Variants in SLCO1A2 observed in about 807,000 individuals in gnomAD.
The protein encoded by SLCO1A2 is OATP-1.
In SLCO1A2, 67 loss-of-function variants were observed where a neutral mutation model predicts 69.0. The ratio of observed to expected loss-of-function variants is 0.97; its 90% CI spans 0.80 to 1.19. The LOEUF is 1.19. Among genes scored for constraint, SLCO1A2 ranks in the 50% most tolerant of loss-of-function variants. SLCO1A2 has a pLI of 0.00. For synonymous variants in SLCO1A2, 260 were observed against 265.9 expected (o/e 0.98, Z 0.22); for missense variants, 787 against 793.7 (o/e 0.99, Z 0.10).
chr12:21,357,437 A>G (rs1457853303), intron 2 of SLCO1A2, among the ~76,000 whole-genome samples: 1 of 152,238 alleles, frequency 6.6e-6, no homozygotes, highest in Non-Finnish European at 1.5e-5. Context: ...AACCCTGCTG[A>G]CACCTAATCT....
intron 14 of SLCO1A2, chr12:21,274,216 T>G (rs895027754): frequency 3.3e-5 from 12 of 359,332 alleles, no homozygotes; most frequent in Non-Finnish European, 5.7e-5. Context: ...TGCTAAGAAT[T>G]TAACGAACAA....
intron 12 of SLCO1A2, among the ~76,000 whole-genome samples, chr12:21,289,924 A>G (rs886198631): frequency 6.6e-6 from 1 of 152,160 alleles, no homozygotes; most frequent in Admixed American, 6.5e-5. Flanking sequence ...TTGGTGTTGC[A>G]GAATTGAACA....
intron 4 of SLCO1A2, 24 bp from the exon 5 acceptor site, chr12:21,307,012 G>C: frequency 6.6e-7 from 1 of 1,524,206 alleles, no homozygotes; most frequent in Non-Finnish European, 9.1e-7. Flanking sequence ...GGGAAAATGA[G>C]TTTATTTTAA....
chr12:21,413,006 G>A (rs1941933078), intron 1 of SLCO1A2, among the ~76,000 whole-genome samples: 1 of 152,094 alleles, frequency 6.6e-6, no homozygotes, highest in Non-Finnish European at 1.5e-5. Flanking sequence ...TAGGGGACCT[G>A]CTCATCTGTT....
intron 2 of SLCO1A2, among the ~76,000 whole-genome samples, chr12:21,363,486 C>T (rs951449801): frequency 6.6e-6 from 1 of 152,070 alleles, no homozygotes; most frequent in East Asian, 1.9e-4. Context: ...ATTAAAAGAA[C>T]TACAGAAGCA....
chr12:21,310,852 C>G (rs1232746387), intron 4 of SLCO1A2, among the ~76,000 whole-genome samples: 1 of 152,190 alleles, frequency 6.6e-6, no homozygotes, highest in African/African-American at 2.4e-5. Flanking sequence ...ATCCGCCCGC[C>G]TTGGCCTTTC....
intron 12 of SLCO1A2, among the ~76,000 whole-genome samples, chr12:21,289,751 G>A (rs1208730474): frequency 1.5e-5 from 2 of 135,686 alleles, no homozygotes; most frequent in Non-Finnish European, 1.6e-5. Context: ...AGAAGCCCAG[G>A]GTAAAAAAAA....
At chr12:21,370,757 G>A (rs1939726362) in intron 2 of SLCO1A2, among the ~76,000 whole-genome samples, 1 of 152,114 alleles carries the variant, frequency 6.6e-6, no homozygotes, top group Non-Finnish European at 1.5e-5. Context: ...GAGTCATAAA[G>A]CTAAGCTTTG....
chr12:21,397,712 A>C (rs1259808728), upstream of SLCO1A2, among the ~76,000 whole-genome samples: 2 of 146,346 alleles, frequency 1.4e-5, no homozygotes, highest in African/African-American at 5.1e-5. Flanking sequence ...ACTCAGGATT[A>C]AGAATCTCAC....
intron 1 of SLCO1A2, among the ~76,000 whole-genome samples, chr12:21,382,976 C>T (rs1940683843): frequency 6.6e-6 from 1 of 152,082 alleles, no homozygotes; most frequent in Non-Finnish European, 1.5e-5. Context: ...TCCCACTTTG[C>T]ACTGTGTTTT....
chr12:21,394,555 G>GCA (rs35166807), intron 1 of SLCO1A2, among the ~76,000 whole-genome samples: 3,246 of 138,944 alleles, frequency 0.023, 45 homozygotes, highest in South Asian at 0.03. Flanking sequence ...AATAACACAC[G>GCA]CACACACACA....
upstream of SLCO1A2, among the ~76,000 whole-genome samples, chr12:21,396,591 T>C (rs1341065545): frequency 1.3e-5 from 2 of 151,120 alleles, no homozygotes; most frequent in Non-Finnish European, 3.0e-5. Flanking sequence ...AAAGGTGAAA[T>C]GAAGGAAAAA....
At chr12:21,415,083 C>T (rs906127182) in intron 1 of SLCO1A2, among the ~76,000 whole-genome samples, 3 of 151,972 alleles carry the variant, frequency 2.0e-5, no homozygotes, top group African/African-American at 7.2e-5. Context: ...CAAACCGTAT[C>T]TTTTAACTGG....
rs377767160 is a variant in SLCO1A2 at position 21,354,343 on chromosome 12, C to T, written c.-62-19634G>A. Among the ~76,000 whole-genome samples, 4 of 152,150 alleles carry T rather than the reference C, an allele frequency of 2.6e-5. No individual in the cohort carries two copies. In the East Asian group the frequency reaches 7.7e-4, roughly 29 times the overall value. On this transcript the variant is annotated intron_variant, in intron 2 of 15. Coordinates refer to the SLCO1A2 transcript ENST00000307378. ...TTTTTTTACATGTTACCTTAACCTA[C>T]CCCTATCCTCTCCTGAAGGTATTGG...
intron 2 of SLCO1A2, among the ~76,000 whole-genome samples, chr12:21,350,548 T>C (rs767748145): frequency 1.6e-3 from 236 of 152,014 alleles, no homozygotes; most frequent in Non-Finnish European, 1.1e-3. Flanking sequence ...TAAAAAGTAA[T>C]GTTTCAGGCC....
At chr12:21,317,573 C>T (rs541742104) in intron 3 of SLCO1A2, among the ~76,000 whole-genome samples, 5 of 152,228 alleles carry the variant, frequency 3.3e-5, no homozygotes, top group South Asian at 4.1e-4. Flanking sequence ...CTCTACCTTC[C>T]GTTAGATTAT....
At chr12:21,341,978 T>A (rs1486441915) in intron 2 of SLCO1A2, among the ~76,000 whole-genome samples, 1 of 152,004 alleles carries the variant, frequency 6.6e-6, no homozygotes, top group Non-Finnish European at 1.5e-5. Flanking sequence ...AGCATGTGCA[T>A]ATGACTCACC....
chr12:21,404,411 A>G (rs1219661174), intron 1 of SLCO1A2, among the ~76,000 whole-genome samples: 1 of 151,910 alleles, frequency 6.6e-6, no homozygotes, highest in Non-Finnish European at 1.5e-5. Flanking sequence ...GACAGGCTCA[A>G]GTTTGTGTTG....
chr12:21,357,669 T>C (rs1016093125), intron 2 of SLCO1A2, among the ~76,000 whole-genome samples: 25 of 152,244 alleles, frequency 1.6e-4, no homozygotes, highest in Non-Finnish European at 3.1e-4. Flanking sequence ...TAAATTATTC[T>C]TAAGGTTTCT....
Sources: allele counts gnomAD v4.1 joint callset (sites outside exome capture counted in the v4.1 genomes callset), GRCh38; gene constraint gnomAD v4.1.1; transcripts MANE v1.5; gene names NCBI Gene and HGNC (gene_info 2026-07-23, HGNC 2026-07-21).